NEB: variants seen among roughly 807,000 people sequenced by gnomAD.
NEB encodes nebulin.
In NEB, 512 loss-of-function variants were observed where a neutral mutation model predicts 952.2. The ratio of observed to expected loss-of-function variants is 0.54; its 90% CI spans 0.50 to 0.58. The LOEUF is 0.58. Ranked by LOEUF, NEB falls within the 20% of genes least tolerant of loss-of-function variation. The pLI is 0.00. For synonymous variants in NEB, 2,900 were observed against 3,149.8 expected (o/e 0.92, Z 2.66); for missense variants, 8,428 against 9,231.1 (o/e 0.91, Z 3.56).
chr2:151,488,674 ATTC>A (rs1451312389), intron 181 of NEB, among the ~76,000 whole-genome samples: 11 of 152,160 alleles, frequency 7.2e-5, no homozygotes, highest in Non-Finnish European at 1.3e-4. Context: ...ATTCTGTATT[ATTC>A]TTTGTACTTC....
intron 156 of NEB, among the ~76,000 whole-genome samples, chr2:151,518,114 A>C (rs1319152176): frequency 6.6e-6 from 1 of 152,230 alleles, no homozygotes; most frequent in East Asian, 1.9e-4. Flanking sequence ...CCAGTAGCAC[A>C]TAATTGCATG....
At position 151,499,256 on chromosome 2, in the gene NEB, CAT is replaced by C. The variant is rs764968826; in HGVS notation, c.24114+40_24114+41del. On this transcript the variant is annotated intron_variant, in intron 169 of 181. Coordinates refer to ENST00000397345, the MANE Select transcript of NEB (RefSeq NM_001164508.2). ...AAATCTAGCCATTAATCTTTTTAAACATTTTTTTAAATAATTAAAGGGATTTT... is the reference window on the plus strand; with the variant it reads ...AAATCTAGCCATTAATCTTTTTAAACTTTTTTAAATAATTAAAGGGATTTT... The C allele has an allele frequency of 3.7e-6, 4 of 1,074,534 alleles. No homozygotes were observed. In the African/African-American group the frequency reaches 6.5e-5, roughly 17 times the overall value. 66.6% of individuals were successfully genotyped at this position (1,074,534 alleles called of 1,614,324 possible).
Position 151,565,765 on chromosome 2 carries a change from TC to T in NEB, c.18211del (p.Asp6071IlefsTer6), listed in dbSNP as rs997878946. On this transcript the variant is annotated frameshift_variant, in exon 115 of 182. Transcript: ENST00000397345. LOFTEE classifies it high-confidence loss of function. The part of the protein sequence containing the change: ...WLRGIGWIPL[D>X]SVDHVRVTKN... The stretch of plus-strand genomic sequence containing the variant: ...AGTAACCCTTACATGGTCCACAGAA[TC>T]CAGTGGGATCCAGCCAATGCCTCGG... 6.2e-7 allele frequency: 1 copy of T among 1,612,454 alleles called. No homozygotes were observed. Among genetic ancestry groups the T allele is most frequent in the Admixed American group, 1.7e-5 (1 of 59,818 alleles).
chr2:151,710,406 A>G, intron 11 of NEB, 28 bp downstream of exon 11: 2 of 1,503,096 alleles, frequency 1.3e-6, no homozygotes, highest in Non-Finnish European at 1.8e-6. Context: ...TCCCAGGATG[A>G]CCAACCAGCC....
At chr2:151,572,191 A>T (rs1179091262) in intron 107 of NEB, among the ~76,000 whole-genome samples, 1 of 152,034 alleles carries the variant, frequency 6.6e-6, no homozygotes, top group Non-Finnish European at 1.5e-5. Context: ...GTGTGGTGGC[A>T]CACACCTGTA....
chr2:151,671,988 A>AG lies in NEB; in HGVS notation c.4299+380_4299+381insC, dbSNP rs372285797. ...ATTGTGACCTTGAGTTAATAAAGGA[A>AG]AAAAAAAAACACCTTTCCCAAATTC... On this transcript the variant is annotated intron_variant, in intron 37 of 181. Coordinates refer to ENST00000397345, the MANE Select transcript of NEB (RefSeq NM_001164508.2). Among the ~76,000 whole-genome samples the AG allele has an allele frequency of 1.2e-3, 187 of 151,060 alleles. 2 individuals carry two copies. The highest frequency in any genetic ancestry group is 4.4e-3 in the African/African-American group (181 of 40,922).
rs752351483 is a variant in NEB, at chr2:151,569,407, C to T, written c.17431-35G>A. On this transcript the variant is annotated intron_variant, in intron 109 of 181. Transcript: ENST00000397345. ...CAGGGCCAGAATGAGTTCAGCAACC[C>T]TGGTCATGTGGTCCTAGTTAGCCTA... 1.1e-5 allele frequency: 17 copies of T among 1,515,416 alleles called. No individual in the cohort carries two copies. In the African/African-American group the frequency reaches 2.3e-4, roughly 21 times the overall value. 93.9% of individuals were successfully genotyped at this position (1,515,416 alleles called of 1,614,324 possible).
At chr2:151,559,408 A>G (rs1344985696) in intron 124 of NEB, among the ~76,000 whole-genome samples, 1 of 152,220 alleles carries the variant, frequency 6.6e-6, no homozygotes, top group East Asian at 1.9e-4. Context: ...CTAGAACTAG[A>G]AATACCATTT....
chr2:151,679,455 G>A (rs1226723932), intron 32 of NEB, among the ~76,000 whole-genome samples: 1 of 152,188 alleles, frequency 6.6e-6, no homozygotes, highest in Non-Finnish European at 1.5e-5. Flanking sequence ...ATCTCCACAA[G>A]AGAAGTAATG....
rs1246097753 is a variant in NEB, at chr2:151,563,983, T to C, written c.18472-53A>G. 3 of 1,312,596 alleles carry C rather than the reference T, an allele frequency of 2.3e-6. No homozygotes were observed. The East Asian group carries it at 7.5e-5, about 33-fold the overall frequency. 81.3% of individuals were successfully genotyped at this position (1,312,596 alleles called of 1,614,324 possible). ...AAGTTTTCTTTCAACTTCTTTCAGA[T>C]ACCACTAAAACAATTGGTCTAATTA... On this transcript the variant is annotated intron_variant, in intron 117 of 181. Transcript: ENST00000397345.
chr2:151,655,829 A>G lies in NEB; in HGVS notation c.6690T>C (p.His2230=). 1 of 1,613,516 alleles carries G rather than the reference A, an allele frequency of 6.2e-7. No individual in the cohort carries two copies. The highest frequency in any genetic ancestry group is 8.5e-7 in the Non-Finnish European group (1 of 1,179,688). The change falls in exon 50 of 182, where the codon CAT becomes CAC. Residue 2230 remains histidine (H), a synonymous_variant. Transcript: ENST00000397345. Reference sequence around the variant, plus strand: ...CTGTTCTCTGTACCTTGTTCATGGTATGTGCATTCTGCTTGGCAAGCACCA... The same window carrying G: ...CTGTTCTCTGTACCTTGTTCATGGTGTGTGCATTCTGCTTGGCAAGCACCA... The part of the protein sequence containing the change: ...MDMVLAKQNA[H]TMNKHLYTID...
At chr2:151,601,506 TA>T (rs2097537745) in intron 88 of NEB, among the ~76,000 whole-genome samples, 1 of 110,498 alleles carries the variant, frequency 9.0e-6, no homozygotes. Context: ...TAGCACACAT[TA>T]AAACAACCAT....
chr2:151,734,121 A>G (rs1394110219), intron 1 of NEB, among the ~76,000 whole-genome samples: 1 of 152,220 alleles, frequency 6.6e-6, no homozygotes, highest in East Asian at 1.9e-4. Context: ...TCACACTAAT[A>G]TATTTAGAGA....
Position 151,692,264 on chromosome 2 carries a change from A to G in NEB, c.1995T>C (p.Ser665=). Residue 665 remains serine, a synonymous_variant, in exon 21 of 182, where the codon AGT becomes AGC. Coordinates refer to ENST00000397345, the MANE Select transcript of NEB (RefSeq NM_001164508.2). ...YQLDTQLKNF[S]EARYKDLYVK... is the part of the protein sequence containing the mutation. ...AGGTAACCGTGGCTTTTCGAACCTC[A>G]CTGAAGTTCTTCAGCTGAGTATCAA... is the stretch of plus-strand genomic sequence containing the variant. 6.2e-7 allele frequency: 1 copy of G among 1,613,540 alleles called. No homozygotes were observed. The highest frequency in any genetic ancestry group is 8.5e-7 in the Non-Finnish European group (1 of 1,179,532).
intron 52 of NEB, among the ~76,000 whole-genome samples, chr2:151,652,289 G>A (rs905578086): frequency 6.6e-6 from 1 of 152,062 alleles, no homozygotes; most frequent in Non-Finnish European, 1.5e-5. Context: ...GCAGTGGTGC[G>A]ATCATGGCTC....
chr2:151,721,190 GT>G (rs1264614235), intron 9 of NEB, among the ~76,000 whole-genome samples: 4 of 152,058 alleles, frequency 2.6e-5, no homozygotes, highest in African/African-American at 7.2e-5. Flanking sequence ...AAATTACCCA[GT>G]TTTTCCTGTA....
chr2:151,671,076 G>C lies in NEB; in HGVS notation c.4453C>G (p.Pro1485Ala). ...GCCAACACCATGCCCATGGAATCAG[G>C]CACACTTGTGAACTTGACGGTATCT... is the stretch of plus-strand genomic sequence containing the variant. The part of the protein sequence containing the change: ...HPDTVKFTSV[P>A]DSMGMVLAQH... The change falls in exon 38 of 182, where the codon CCT (proline) becomes GCT (alanine). Residue 1485 changes from proline to alanine, a missense_variant. By Grantham distance (27) the Pro-to-Ala change is conservative. Around this residue, in one of 11 missense-constraint regions of NEB, gnomAD observed 2,851 missense variants for 2,791.5 expected, o/e 1.02. Transcript: ENST00000397345. The C allele has an allele frequency of 1.2e-6, 2 of 1,613,936 alleles. No homozygotes were observed. Among genetic ancestry groups the C allele is most frequent in the Non-Finnish European group, 8.5e-7 (1 of 1,179,864 alleles).
intron 64 of NEB, 105 bp from the exon 65 acceptor site, chr2:151,634,070 A>C (rs780023447): frequency 1.2e-5 from 15 of 1,271,652 alleles, no homozygotes; most frequent in Non-Finnish European, 1.6e-5. Flanking sequence ...ACTTTTGTTA[A>C]CAAGTACTAA....
intron 178 of NEB, 81 bp from the exon 179 acceptor site, chr2:151,491,856 C>G: frequency 1.7e-6 from 2 of 1,180,844 alleles, no homozygotes; most frequent in Non-Finnish European, 2.4e-6. Flanking sequence ...ATTTTAACAA[C>G]CACCAAAGGA....
Sources: gnomAD v4.1 joint callset for allele counts (sites outside exome capture counted in the v4.1 genomes callset) on GRCh38, gnomAD v4.1.1 for gene constraint, gnomAD v4.1.1 regional missense constraint, MANE v1.5 for transcripts, NCBI Gene and HGNC (gene_info 2026-07-23, HGNC 2026-07-21) for gene names.